The following ZNF76 variants were observed in gnomAD, a reference collection of about 807,000 sequenced individuals.
The protein encoded by ZNF76 is zinc finger protein 76, also known as zinc finger protein 523.
ZNF76 carries 66 observed loss-of-function variants against 66.9 expected under a neutral mutation model. The observed-to-expected ratio is 0.99, with a 90% CI of 0.81 to 1.21. ZNF76 has a LOEUF of 1.21. Ranked by LOEUF, ZNF76 falls within the 50% of genes most tolerant of loss-of-function variation. ZNF76 has a pLI of 0.00. For missense variants in ZNF76, 729 were observed against 760.3 expected, an observed-to-expected ratio of 0.96 and a Z score of 0.48; for synonymous variants, 275 against 296.1, an observed-to-expected ratio of 0.93 and a Z score of 0.73.
chr6:35,275,243 T>C (rs188702140), intron 1 of ZNF76, among the ~76,000 whole-genome samples: 51 of 152,228 alleles, frequency 3.4e-4, no homozygotes, highest in Non-Finnish European at 5.0e-4. Context: ...CTGTCTTCAC[T>C]CTTTTCTCAC....
In ZNF76 at chr6:35,267,954, C is replaced by T. The variant is rs183121024; in HGVS notation, c.-97+8113C>T. On this transcript the variant is annotated intron_variant, in intron 1 of 13. Transcript: ENST00000373953. ...TCAACATTTACTTCCTTGCCAGGAGCTTCTCTTAGAAGCTCACAGTTCTGT... is the reference window on the plus strand; with the variant it reads ...TCAACATTTACTTCCTTGCCAGGAGTTTCTCTTAGAAGCTCACAGTTCTGT... Among the ~76,000 whole-genome samples, 916 of 152,300 alleles carry T rather than the reference C, an allele frequency of 6.0e-3. 5 individuals carry two copies. The highest frequency in any genetic ancestry group is 9.8e-3 in the Non-Finnish European group (670 of 68,030).
rs773779181 is a variant in ZNF76 at position 35,293,852 on chromosome 6, C to A, written c.1431C>A (p.Asp477Glu). 18 of 1,614,036 alleles carry A rather than the reference C, an allele frequency of 1.1e-5. No homozygotes were observed. Among genetic ancestry groups the A allele is most frequent in the Admixed American group, 3.3e-5 (2 of 60,012 alleles). Residue 477 changes from aspartate (D) to glutamate (E), a missense_variant, in exon 12 of 14, where the codon GAC (aspartate) becomes GAA (glutamate). Transcript: ENST00000373953. ...TTLTIPSPDA[D>E]LATSGTHTVT... Reference sequence around the variant, plus strand: ...TCACCATCCCCAGTCCTGATGCCGACCTGGCCACATCTGGCACACATACAG... The same window carrying A: ...TCACCATCCCCAGTCCTGATGCCGAACTGGCCACATCTGGCACACATACAG...
chr6:35,293,915 C>T lies in ZNF76; in HGVS notation c.1494C>T (p.Pro498=). ...MVSADGTQTQ[P]VTIITSGAVV... ...GCGCCGATGGCACCCAGACGCAGCC[C>T]GTATGACCAGGCGGTTTGCTTGGGG... is the stretch of plus-strand genomic sequence containing the variant. The change falls in exon 12 of 14, where the codon CCC becomes CCT. Residue 498 remains proline (P), a splice_region_variant and synonymous_variant. Coordinates refer to ENST00000373953, the MANE Select transcript of ZNF76 (RefSeq NM_003427.5). 7 of 1,613,560 alleles carry T rather than the reference C, an allele frequency of 4.3e-6. No individual in the cohort carries two copies. In the South Asian group the frequency reaches 4.4e-5, roughly 10 times the overall value.
intron 1 of ZNF76, among the ~76,000 whole-genome samples, chr6:35,269,448 A>G (rs972493325): frequency 1.3e-5 from 2 of 152,068 alleles, no homozygotes; most frequent in East Asian, 3.9e-4. Flanking sequence ...TCTATTTGAC[A>G]TTCCCTTAGA....
chr6:35,267,745 G>A (rs145525194), intron 1 of ZNF76, among the ~76,000 whole-genome samples: 2 of 152,330 alleles, frequency 1.3e-5, no homozygotes, highest in Non-Finnish European at 2.9e-5. Context: ...CATTAGCCAG[G>A]GAAAGCTTGT....
intron 11 of ZNF76, 148 bp from the exon 12 acceptor site, chr6:35,293,603 T>G: frequency 2.2e-6 from 2 of 894,166 alleles, no homozygotes; most frequent in Non-Finnish European, 3.4e-6. Context: ...CTTGGACCCA[T>G]TTTGTTTGCC....
At chr6:35,295,062 AAG>A in intron 13 of ZNF76, 80 bp from the exon 14 acceptor site, 3 of 1,123,260 alleles carry the variant, frequency 2.7e-6, no homozygotes, top group Non-Finnish European at 3.8e-6. Flanking sequence ...TCAAAAAAAA[AAG>A]TAGGCCACAT....
Position 35,287,448 on chromosome 6 carries a change from A to G in ZNF76, c.233-198A>G, listed in dbSNP as rs1478363310. Among the ~76,000 whole-genome samples, 1 of 152,106 alleles carries G rather than the reference A, an allele frequency of 6.6e-6. No homozygotes were observed. Among genetic ancestry groups the G allele is most frequent in the Non-Finnish European group, 1.5e-5 (1 of 68,018 alleles). On this transcript the variant is annotated intron_variant, in intron 4 of 13. Transcript: ENST00000373953. This position sits in a 1 kb window ranked among gnomAD's most constrained non-coding sequence, Gnocchi z 4.0. Reference sequence around the variant, plus strand: ...GAGCTTGTGAGTTCCCATTTAGTGTACCATAGGAGACCTCATCCTTAGGTG... The same window carrying G: ...GAGCTTGTGAGTTCCCATTTAGTGTGCCATAGGAGACCTCATCCTTAGGTG...
chr6:35,292,252 T>G lies in ZNF76; in HGVS notation c.932-302T>G, dbSNP rs1259839229. The G allele has an allele frequency of 8.2e-6, 4 of 488,606 alleles. No individual in the cohort carries two copies. Among genetic ancestry groups the G allele is most frequent in the Middle Eastern group, 5.6e-4 (1 of 1,776 alleles). The allele number at this position is 488,606 out of a possible 1,614,324, so 30.3% of individuals were successfully genotyped here. The stretch of plus-strand genomic sequence containing the variant: ...CTCTTGCCTCTGCTGTTCACCATTC[T>G]CAACCTCCCACCCTCAACCTTATAA... On this transcript the variant is annotated intron_variant, in intron 9 of 13. Transcript: ENST00000373953. The surrounding 1 kb of genome is among the most constrained non-coding windows in gnomAD (Gnocchi z 4.7).
rs1789699348 is a variant in ZNF76 at position 35,287,265 on chromosome 6, G to A, written c.233-381G>A. Among the ~76,000 whole-genome samples the A allele has an allele frequency of 6.6e-6, 1 of 152,144 alleles. No individual in the cohort carries two copies. The highest frequency in any genetic ancestry group is 2.4e-5 in the African/African-American group (1 of 41,410). On this transcript the variant is annotated intron_variant, in intron 4 of 13. Coordinates refer to ENST00000373953, the MANE Select transcript of ZNF76 (RefSeq NM_003427.5). This position sits in a 1 kb window ranked among gnomAD's most constrained non-coding sequence, Gnocchi z 4.0. ...ACCAGTGGGAAGCATTTAAACTGTT[G>A]AGGCAGTTAAGTGACATGGTCACAT... is the stretch of plus-strand genomic sequence containing the variant.
At chr6:35,278,616 G>A (rs749618331) in intron 1 of ZNF76, among the ~76,000 whole-genome samples, 6 of 152,240 alleles carry the variant, frequency 3.9e-5, no homozygotes, top group Non-Finnish European at 8.8e-5. Context: ...TTGGTAAGTC[G>A]TGAGAATCCA....
intron 1 of ZNF76, among the ~76,000 whole-genome samples, chr6:35,261,729 G>A (rs1294016305): frequency 6.6e-6 from 1 of 152,014 alleles, no homozygotes; most frequent in African/African-American, 2.4e-5. Flanking sequence ...TAAGGTTTCT[G>A]TTCTTGAGCT....
At position 35,293,089 on chromosome 6, in the gene ZNF76, C is replaced by A. The variant is rs1562134946; in HGVS notation, c.1329+45C>A. The A allele has an allele frequency of 2.5e-6, 4 of 1,596,140 alleles. No homozygotes were observed. In the South Asian group the frequency reaches 4.5e-5, roughly 18 times the overall value. The stretch of plus-strand genomic sequence containing the variant: ...GAGGTGCCATACTAGCTGGCACTCT[C>A]CACTCTCTCTGGGGACTCTGGGAGC... On this transcript the variant is annotated intron_variant, in intron 11 of 13. Transcript: ENST00000373953.
Position 35,295,233 on chromosome 6 carries a change from G to A in ZNF76, c.1698G>A (p.Ser566=), listed in dbSNP as rs756159646. 1.7e-5 allele frequency: 28 copies of A among 1,606,592 alleles called. No individual in the cohort carries two copies. The highest frequency in any genetic ancestry group is 4.5e-5 in the East Asian group (2 of 44,482). Residue 566 remains serine (S), a synonymous_variant, in exon 14 of 14, where the codon TCG becomes TCA. Coordinates refer to ENST00000373953, the MANE Select transcript of ZNF76 (RefSeq NM_003427.5). ...QGAVTLETTV[S]ESGC is the part of the protein sequence containing the mutation. Reference sequence around the variant, plus strand: ...CTGTGACCCTGGAGACAACAGTGTCGGAGAGTGGCTGCTGAGTCCAAGAGG... The same window carrying A: ...CTGTGACCCTGGAGACAACAGTGTCAGAGAGTGGCTGCTGAGTCCAAGAGG...
Position 35,295,612 on chromosome 6 carries a change from A to G in ZNF76, c.*364A>G, listed in dbSNP as rs1226554525. The G allele has an allele frequency of 1.5e-5, 5 of 332,410 alleles. No individual in the cohort carries two copies. Among genetic ancestry groups the G allele is most frequent in the Admixed American group, 3.8e-5 (1 of 26,186 alleles). The allele number at this position is 332,410 out of a possible 1,614,324, so 20.6% of individuals were successfully genotyped here. On this transcript the variant is annotated 3_prime_UTR_variant, in exon 14 of 14. Transcript: ENST00000373953. Reference sequence around the variant, plus strand: ...GGGCTGCTATGGGGACTGGCCCTGTAGGGTTGAGCCACAGACAGCTCTTCA... The same window carrying G: ...GGGCTGCTATGGGGACTGGCCCTGTGGGGTTGAGCCACAGACAGCTCTTCA...
intron 9 of ZNF76, 24 bp downstream of exon 9, chr6:35,291,761 C>A: frequency 6.2e-7 from 1 of 1,601,444 alleles, no homozygotes; most frequent in South Asian, 1.1e-5. Flanking sequence ...CATGCGAGGA[C>A]TACCCTCACT....
At chr6:35,293,440 GTA>G in intron 11 of ZNF76, among the ~76,000 whole-genome samples, 1 of 152,100 alleles carries the variant, frequency 6.6e-6, no homozygotes, top group Non-Finnish European at 1.5e-5. Flanking sequence ...ACCCTTGTCC[GTA>G]CCCTTGCTAG....
chr6:35,290,565 C>T lies in ZNF76; in HGVS notation c.550-76C>T, dbSNP rs1790233673. ...TGAATGGTACAGGAGGGAAGAGAAT[C>T]AGGGTCCTAAAGAAAACCAAAGAGC... On this transcript the variant is annotated intron_variant, in intron 6 of 13. Transcript: ENST00000373953. The T allele has an allele frequency of 1.9e-6, 3 of 1,561,758 alleles. No homozygotes were observed. The African/African-American group carries it at 4.1e-5, about 21-fold the overall frequency.
chr6:35,276,679 T>C (rs1185079252), intron 1 of ZNF76, among the ~76,000 whole-genome samples: 2 of 152,216 alleles, frequency 1.3e-5, no homozygotes, highest in African/African-American at 2.4e-5. Flanking sequence ...CATGTGAGTA[T>C]TTGACAGAGG....
Sources: allele counts gnomAD v4.1 joint callset (sites outside exome capture counted in the v4.1 genomes callset), GRCh38; gene constraint gnomAD v4.1.1; non-coding constraint Gnocchi (gnomAD v3.1); transcripts MANE v1.5; gene names NCBI Gene and HGNC (gene_info 2026-07-23, HGNC 2026-07-21).